NPAS3: variants seen among roughly 807,000 people sequenced by gnomAD.
NPAS3 encodes the protein neuronal PAS domain-containing protein 3.
Under a neutral mutation model 73.1 loss-of-function variants are expected in NPAS3, and 14 were observed. That is an observed-to-expected ratio of 0.19 (90% CI 0.13 to 0.30). The LOEUF is 0.30. Ranked by LOEUF, NPAS3 falls within the 10% of genes least tolerant of loss-of-function variation. The pLI is 1.00. For missense variants in NPAS3, 1,096 were observed against 1,250.0 expected, an observed-to-expected ratio of 0.88 and a Z score of 1.86; for synonymous variants, 620 against 541.5, an observed-to-expected ratio of 1.14 and a Z score of -2.01.
chr14:32,998,724 C>T (rs2038684688), intron 1 of NPAS3, among the ~76,000 whole-genome samples: 1 of 152,152 alleles, frequency 6.6e-6, no homozygotes, highest in South Asian at 2.1e-4. Flanking sequence ...GTTGCCAAAA[C>T]ACTTTGTTAT....
At chr14:33,798,975 T>C (rs1168553229) in intron 11 of NPAS3, among the ~76,000 whole-genome samples, 531 of 20,964 alleles carry the variant, frequency 0.025, 1 homozygote, top group African/African-American at 0.054. Flanking sequence ...ACCCTGTCTC[T>C]ACAAAAAAAA....
At chr14:33,126,822 C>T (rs1376842769) in intron 2 of NPAS3, among the ~76,000 whole-genome samples, 4 of 152,090 alleles carry the variant, frequency 2.6e-5, no homozygotes, top group Non-Finnish European at 5.9e-5. Context: ...TTGTTCCCAA[C>T]CTCAGAGAAG....
chr14:33,560,632 C>G (rs1044939313), intron 5 of NPAS3, among the ~76,000 whole-genome samples: 1 of 151,924 alleles, frequency 6.6e-6, no homozygotes, highest in Admixed American at 6.5e-5. Context: ...CAAGAAATGC[C>G]GAAAGAGACC....
chr14:33,197,403 G>C (rs906002709), intron 2 of NPAS3, among the ~76,000 whole-genome samples: 1 of 152,014 alleles, frequency 6.6e-6, no homozygotes, highest in African/African-American at 2.4e-5. Context: ...GTGCCATTCT[G>C]ATCAATTTCA....
chr14:33,504,599 A>G (rs1279451752), intron 4 of NPAS3, among the ~76,000 whole-genome samples: 1 of 152,046 alleles, frequency 6.6e-6, no homozygotes, highest in Non-Finnish European at 1.5e-5. Flanking sequence ...AAACTTAAGT[A>G]GAAGATTTTA....
intron 3 of NPAS3, among the ~76,000 whole-genome samples, chr14:33,347,422 T>C (rs1019508979): frequency 1.3e-5 from 2 of 152,226 alleles, no homozygotes; most frequent in Admixed American, 1.3e-4. Context: ...AAGAAAATTA[T>C]GAACAAAATA....
chr14:33,447,221 G>A (rs1159889162), intron 4 of NPAS3, among the ~76,000 whole-genome samples: 1 of 152,212 alleles, frequency 6.6e-6, no homozygotes, highest in Non-Finnish European at 1.5e-5. Flanking sequence ...GTACTTGTAA[G>A]CTAAGTTTTT....
chr14:33,335,659 C>T (rs74042049), intron 3 of NPAS3, among the ~76,000 whole-genome samples: 2,197 of 152,178 alleles, frequency 0.014, 47 homozygotes, highest in African/African-American at 0.05. Context: ...TTAGGCCTTG[C>T]GGGACGTTTG....
At chr14:33,541,843 C>G (rs1425854195) in intron 4 of NPAS3, among the ~76,000 whole-genome samples, 1 of 152,178 alleles carries the variant, frequency 6.6e-6, no homozygotes, top group African/African-American at 2.4e-5. Flanking sequence ...AATTTACCAG[C>G]TAAACCACAG....
chr14:33,333,124 T>A (rs2173801), intron 3 of NPAS3, among the ~76,000 whole-genome samples: 119,338 of 152,156 alleles, frequency 0.78, 47,423 homozygotes, highest in African/African-American at 0.92. Flanking sequence ...GTATTTCATG[T>A]TGCTGAGACT....
intron 3 of NPAS3, among the ~76,000 whole-genome samples, chr14:33,283,021 C>T (rs562916963): frequency 2.0e-5 from 3 of 152,174 alleles, no homozygotes; most frequent in South Asian, 4.1e-4. Flanking sequence ...GAAAATTACT[C>T]ATCAGCTGTC....
chr14:33,141,839 C>G (rs1360800037), intron 2 of NPAS3, among the ~76,000 whole-genome samples: 2 of 152,118 alleles, frequency 1.3e-5, no homozygotes, highest in Admixed American at 6.6e-5. Context: ...CGATCTGATA[C>G]GTATCGATAG....
chr14:33,606,971 G>A (rs1302933405), intron 5 of NPAS3, among the ~76,000 whole-genome samples: 2 of 152,128 alleles, frequency 1.3e-5, no homozygotes, highest in Admixed American at 1.3e-4. Context: ...GCACATAAAT[G>A]ATATTCAACA....
chr14:33,313,605 A>G (rs1007863798), intron 3 of NPAS3, among the ~76,000 whole-genome samples: 1 of 152,100 alleles, frequency 6.6e-6, no homozygotes, highest in Non-Finnish European at 1.5e-5. Context: ...TTCAGTGTCC[A>G]TTCCATCAGT....
intron 3 of NPAS3, among the ~76,000 whole-genome samples, chr14:33,246,117 A>G (rs1487285846): frequency 1.3e-5 from 2 of 152,048 alleles, no homozygotes; most frequent in Non-Finnish European, 2.9e-5. Flanking sequence ...TAAGTTTATG[A>G]TATGCCTCGA....
intron 7 of NPAS3, among the ~76,000 whole-genome samples, chr14:33,747,200 A>G (rs1437403321): frequency 6.6e-6 from 1 of 152,090 alleles, no homozygotes; most frequent in Non-Finnish European, 1.5e-5. Context: ...AATGTCCAAC[A>G]ATGATAGACT....
At chr14:33,705,679 T>C (rs1288999016) in intron 6 of NPAS3, among the ~76,000 whole-genome samples, 1 of 152,168 alleles carries the variant, frequency 6.6e-6, no homozygotes, top group Non-Finnish European at 1.5e-5. Context: ...ATAGGAAACT[T>C]TGTCAATATG....
intron 6 of NPAS3, among the ~76,000 whole-genome samples, chr14:33,707,377 A>C (rs2140476830): frequency 6.6e-6 from 1 of 151,694 alleles, no homozygotes; most frequent in South Asian, 2.1e-4. Flanking sequence ...ATTATTTAAT[A>C]TTTGTTGAGT....
chr14:33,196,465 T>C (rs1254592330), intron 2 of NPAS3, among the ~76,000 whole-genome samples: 2 of 152,196 alleles, frequency 1.3e-5, no homozygotes, highest in Non-Finnish European at 2.9e-5. Flanking sequence ...GTAGTAGAGC[T>C]TCCTTGTCAC....
Sources: allele counts gnomAD v4.1 joint callset (sites outside exome capture counted in the v4.1 genomes callset), GRCh38; gene constraint gnomAD v4.1.1; transcripts MANE v1.5; gene names NCBI Gene and HGNC (gene_info 2026-07-23, HGNC 2026-07-21).